The following SYT1 variants were observed in gnomAD, a reference collection of about 807,000 sequenced individuals.
The protein encoded by SYT1 is synaptotagmin 1, also known as synaptotagmin-1.
Under a neutral mutation model 44.8 loss-of-function variants are expected in SYT1, and 8 were observed. That is an observed-to-expected ratio of 0.18 (90% CI 0.10 to 0.32). The LOEUF (loss-of-function observed/expected upper bound fraction) is 0.32. Among genes scored for constraint, SYT1 ranks in the 10% least tolerant of loss-of-function variants. The probability of loss-of-function intolerance (pLI) is 1.00; values close to 1 mark genes in which losing one functional copy is unlikely to be tolerated. For missense variants in SYT1, 286 were observed against 509.3 expected (o/e 0.56, Z 4.22); for synonymous variants, 154 against 188.8 (o/e 0.82, Z 1.51).
At chr12:79,438,436 C>A (rs368519288) in intron 9 of SYT1, among the ~76,000 whole-genome samples, 9 of 152,238 alleles carry the variant, frequency 5.9e-5, no homozygotes, top group Admixed American at 3.9e-4. Flanking sequence ...CTGGAAGGAA[C>A]CCTTCAGAAA....
At chr12:78,997,710 G>A (rs909866636) in intron 2 of SYT1, among the ~76,000 whole-genome samples, 1 of 150,636 alleles carries the variant, frequency 6.6e-6, no homozygotes, top group Non-Finnish European at 1.5e-5. Flanking sequence ...AAACAGTGGA[G>A]TTTGGATGAG....
intron 9 of SYT1, among the ~76,000 whole-genome samples, chr12:79,361,782 A>G (rs1472007948): frequency 6.6e-6 from 1 of 152,224 alleles, no homozygotes; most frequent in African/African-American, 2.4e-5. Context: ...TGTGGTACAG[A>G]AGAGAGGTTG....
At chr12:78,980,936 G>C (rs963041508) in intron 2 of SYT1, among the ~76,000 whole-genome samples, 1 of 151,966 alleles carries the variant, frequency 6.6e-6, no homozygotes, top group African/African-American at 2.4e-5. Context: ...GGAGATGGAG[G>C]GGAGAGATGC....
chr12:79,228,823 T>G lies in SYT1; in HGVS notation c.166+11138T>G, dbSNP rs556113843. The stretch of plus-strand genomic sequence containing the variant: ...TACACCACTGTCTCCCCTCATGATT[T>G]TCTCTCTTCCTGGATTCCCCTTCCC... On this transcript the variant is annotated intron_variant, in intron 4 of 10. Transcript: ENST00000261205. 1.9e-4 allele frequency among the ~76,000 whole-genome samples: 29 copies of G among 152,300 alleles called. 1 individual carries two copies. In the South Asian group the frequency reaches 5.8e-3, roughly 30 times the overall value.
chr12:79,124,375 T>C (rs752358957), intron 3 of SYT1, among the ~76,000 whole-genome samples: 1 of 152,154 alleles, frequency 6.6e-6, no homozygotes, highest in Non-Finnish European at 1.5e-5. Context: ...ATATCACATA[T>C]TATCCTATCT....
intron 3 of SYT1, among the ~76,000 whole-genome samples, chr12:79,055,863 A>G (rs960191542): frequency 7.2e-5 from 11 of 152,018 alleles, no homozygotes; most frequent in African/African-American, 2.7e-4. Context: ...CATCTTTTAA[A>G]TTATAAAACA....
chr12:79,298,259 G>C (rs1327948601), intron 7 of SYT1, among the ~76,000 whole-genome samples: 1 of 151,894 alleles, frequency 6.6e-6, no homozygotes, highest in Admixed American at 6.6e-5. Flanking sequence ...TCTTTGGAAG[G>C]GTTTATTTTC....
intron 1 of SYT1, among the ~76,000 whole-genome samples, chr12:78,963,743 G>T (rs999089599): frequency 6.6e-6 from 1 of 152,062 alleles, no homozygotes; most frequent in Non-Finnish European, 1.5e-5. Flanking sequence ...AAAGGGTTCA[G>T]CTGCTAAAAA....
At chr12:79,307,747 A>G (rs552994961) in intron 8 of SYT1, among the ~76,000 whole-genome samples, 10 of 152,322 alleles carry the variant, frequency 6.6e-5, no homozygotes, top group Non-Finnish European at 1.0e-4. Context: ...CAATGGCAAC[A>G]TTGGAATGGC....
intron 3 of SYT1, among the ~76,000 whole-genome samples, chr12:79,122,580 A>G (rs551824918): frequency 4.6e-5 from 7 of 150,806 alleles, no homozygotes; most frequent in African/African-American, 1.7e-4. Flanking sequence ...TAGTTATTAA[A>G]AATTTCCAAT....
chr12:79,224,735 TTTTA>T (rs1313621641), intron 4 of SYT1, among the ~76,000 whole-genome samples: 1 of 60,556 alleles, frequency 1.7e-5, no homozygotes, highest in South Asian at 3.5e-4. Context: ...TTGTTTCATT[TTTTA>T]TTTATTTATT....
At chr12:79,293,843 G>T (rs1361808631) in intron 6 of SYT1, among the ~76,000 whole-genome samples, 1 of 152,038 alleles carries the variant, frequency 6.6e-6, no homozygotes, top group Non-Finnish European at 1.5e-5. Flanking sequence ...CTACATTATT[G>T]GTTTACAGGT....
intron 3 of SYT1, among the ~76,000 whole-genome samples, chr12:79,179,104 A>T (rs1223066485): frequency 3.0e-4 from 37 of 121,978 alleles, no homozygotes; most frequent in African/African-American, 1.2e-3. Context: ...AGATATAGAT[A>T]TATAGATATA....
intron 4 of SYT1, among the ~76,000 whole-genome samples, chr12:79,281,807 A>C (rs571220258): frequency 6.6e-6 from 1 of 152,318 alleles, no homozygotes; most frequent in South Asian, 2.1e-4. Flanking sequence ...TTGTTGCTAT[A>C]ATGAATTATT....
At chr12:78,921,171 A>T (rs1565718210) in intron 1 of SYT1, among the ~76,000 whole-genome samples, 2 of 151,948 alleles carry the variant, frequency 1.3e-5, no homozygotes, top group African/African-American at 4.8e-5. Flanking sequence ...TACCACTTTA[A>T]TTTTTTTAAT....
At chr12:79,303,703 A>G (rs138281109) in intron 8 of SYT1, among the ~76,000 whole-genome samples, 1 of 152,308 alleles carries the variant, frequency 6.6e-6, no homozygotes, top group Non-Finnish European at 1.5e-5. Context: ...TTTTAAGCCT[A>G]ATTAGAAAAA....
intron 9 of SYT1, among the ~76,000 whole-genome samples, chr12:79,432,809 T>C (rs548504775): frequency 6.6e-6 from 1 of 152,204 alleles, no homozygotes; most frequent in African/African-American, 2.4e-5. Flanking sequence ...AGACAGAGTT[T>C]CACCATGTTG....
chr12:79,016,510 G>A (rs1316720517), intron 2 of SYT1, among the ~76,000 whole-genome samples: 29 of 152,054 alleles, frequency 1.9e-4, no homozygotes. Flanking sequence ...ACTACATAGA[G>A]GTTAGTTTTT....
intron 8 of SYT1, among the ~76,000 whole-genome samples, chr12:79,330,400 G>A (rs1216336643): frequency 2.0e-5 from 3 of 152,298 alleles, no homozygotes; most frequent in Non-Finnish European, 2.9e-5. Context: ...ATGATGCTGA[G>A]TACTCCTAAA....
Sources: allele counts gnomAD v4.1 joint callset (sites outside exome capture counted in the v4.1 genomes callset), GRCh38; gene constraint gnomAD v4.1.1; transcripts MANE v1.5; gene names NCBI Gene and HGNC (gene_info 2026-07-23, HGNC 2026-07-21).